Variants in DDX42 observed in about 807,000 individuals in gnomAD.
The protein encoded by DDX42 is ATP-dependent RNA helicase DDX42.
Under a neutral mutation model 101.5 loss-of-function variants are expected in DDX42, and 22 were observed. The observed-to-expected ratio is 0.22, with a 90% CI of 0.15 to 0.31. DDX42 has a LOEUF of 0.31. Ranked by LOEUF, DDX42 falls within the 10% of genes least tolerant of loss-of-function variation. The pLI, the probability that DDX42 is intolerant of heterozygous loss-of-function variation, is 1.00. For missense variants in DDX42, 849 were observed against 1,199.9 expected, an observed-to-expected ratio of 0.71 and a Z score of 4.32; for synonymous variants, 402 against 401.2, an observed-to-expected ratio of 1.00 and a Z score of -0.02.
chr17:63,776,191 C>T (rs2039418881), intron 1 of DDX42: 1 of 152,228 alleles, frequency 6.6e-6, no homozygotes, highest in African/African-American at 2.4e-5. Context: ...TATTTAAAGT[C>T]ATTTAGATCA....
intron 6 of DDX42, among the ~76,000 whole-genome samples, chr17:63,803,675 C>G (rs1257057048): frequency 6.7e-6 from 1 of 150,130 alleles, no homozygotes; most frequent in Non-Finnish European, 1.5e-5. Flanking sequence ...GAGATGGAGT[C>G]CTGCTCTGTC....
chr17:63,818,060 C>T lies in DDX42; in HGVS notation c.2479C>T (p.Arg827Trp), dbSNP rs375864832. 9.3e-6 allele frequency: 15 copies of T among 1,613,804 alleles called. No individual in the cohort carries two copies. Among genetic ancestry groups the T allele is most frequent in the African/African-American group, 6.7e-5 (5 of 74,874 alleles). The change falls in exon 18 of 18, where the codon CGG becomes TGG. Residue 827 changes from arginine to tryptophan, a missense_variant. Arg to Trp is a moderately radical substitution (Grantham distance 101). Transcript: ENST00000389924. ...SRHSHGETGN[R>W]HSDSPRHGDG... ...TCACAGTCACGGAGAGACTGGCAATCGGCATAGCGATAGTCCACGTCACGG... is the reference window on the plus strand; with the variant it reads ...TCACAGTCACGGAGAGACTGGCAATTGGCATAGCGATAGTCCACGTCACGG...
In DDX42 at chr17:63,808,837, G is replaced by A; in HGVS notation, c.1041G>A (p.Lys347=). The change falls in exon 10 of 18, where the codon AAG becomes AAA. Residue 347 remains lysine, a synonymous_variant. Coordinates refer to ENST00000389924, the MANE Select transcript of DDX42 (RefSeq NM_203499.3). ...ELCQQIHAEC[K]RFGKAYNLRS... is the part of the protein sequence containing the mutation. ...CTTTGTAGATCCATGCAGAATGTAA[G>A]CGGTTTGGAAAAGCATATAATCTTC... 1 of 1,613,970 alleles carries A rather than the reference G, an allele frequency of 6.2e-7. No homozygotes were observed. The highest frequency in any genetic ancestry group is 8.5e-7 in the Non-Finnish European group (1 of 1,179,918).
At chr17:63,780,268 C>T (rs1411727684) in intron 1 of DDX42, among the ~76,000 whole-genome samples, 2 of 151,074 alleles carry the variant, frequency 1.3e-5, no homozygotes, top group East Asian at 3.9e-4. Context: ...TGCACTCCAG[C>T]CTGGGCAACA....
intron 14 of DDX42, 47 bp from the exon 15 acceptor site, chr17:63,813,181 C>G: frequency 6.6e-7 from 1 of 1,523,478 alleles, no homozygotes; most frequent in Non-Finnish European, 8.9e-7. Flanking sequence ...CTTTGATCTT[C>G]TGACTACAGA....
chr17:63,796,555 A>G (rs11869932), intron 3 of DDX42, among the ~76,000 whole-genome samples: 32,600 of 152,208 alleles, frequency 0.21, 3,844 homozygotes, highest in Middle Eastern at 0.33. Context: ...ACCTCAGGTG[A>G]TCTGCCCGCC....
chr17:63,807,648 A>T, intron 8 of DDX42, 76 bp from the exon 9 acceptor site: 2 of 1,372,984 alleles, frequency 1.5e-6, no homozygotes, highest in Non-Finnish European at 2.0e-6. Context: ...GTAGTCATTT[A>T]TCATTCCCCA....
At chr17:63,810,609 C>T in intron 12 of DDX42, 49 bp downstream of exon 12, 6 of 1,558,014 alleles carry the variant, frequency 3.9e-6, no homozygotes, top group Non-Finnish European at 5.3e-6. Flanking sequence ...AAAAAGGGCA[C>T]TTATTTATTT....
At chr17:63,813,844 C>G (rs1045546488) in intron 15 of DDX42, among the ~76,000 whole-genome samples, 1 of 151,686 alleles carries the variant, frequency 6.6e-6, no homozygotes, top group Admixed American at 6.6e-5. Flanking sequence ...AGTGCCCCCC[C>G]ACCTTTTTTT....
At chr17:63,800,647 T>C (rs200387660) in intron 6 of DDX42, 30 bp downstream of exon 6, 73 of 1,607,612 alleles carry the variant, frequency 4.5e-5, no homozygotes, top group Non-Finnish European at 6.1e-5. Flanking sequence ...ATTTTACTCT[T>C]GTTTCAAGCT....
chr17:63,779,556 G>C (rs1409999985), intron 1 of DDX42, among the ~76,000 whole-genome samples: 1 of 151,884 alleles, frequency 6.6e-6, no homozygotes, highest in Admixed American at 6.6e-5. Flanking sequence ...GAGCCACTGT[G>C]CCCACCTCAT....
chr17:63,796,765 C>T (rs1045030192), intron 3 of DDX42, among the ~76,000 whole-genome samples: 6 of 152,196 alleles, frequency 3.9e-5, no homozygotes, highest in Non-Finnish European at 8.8e-5. Context: ...TGTTACATTG[C>T]TTATGTCATC....
chr17:63,812,072 G>A lies in DDX42; in HGVS notation c.1539G>A (p.Glu513=), dbSNP rs1451099975. ...TTACTAAAAAAGCCAATGCTGAAGA[G>A]CTAGCGAATAACCTTAAACAGGAGG... is the stretch of plus-strand genomic sequence containing the variant. ...LFVTKKANAE[E]LANNLKQEGH... is the part of the protein sequence containing the mutation. Residue 513 remains glutamate, a synonymous_variant, in exon 14 of 18, where the codon GAG becomes GAA. Coordinates refer to ENST00000389924, the MANE Select transcript of DDX42 (RefSeq NM_203499.3). 1.9e-6 allele frequency: 3 copies of A among 1,614,230 alleles called. No homozygotes were observed. The African/African-American group carries it at 4.0e-5, about 22-fold the overall frequency.
Position 63,809,622 on chromosome 17 carries a change from G to A in DDX42, c.1215G>A (p.Val405=). Residue 405 remains valine (V), a synonymous_variant, in exon 11 of 18, where the codon GTG becomes GTA. Coordinates refer to ENST00000389924, the MANE Select transcript of DDX42 (RefSeq NM_203499.3). ...ATNLQRVSYL[V]FDEADRMFDM... The stretch of plus-strand genomic sequence containing the variant: ...ATCTTCAAAGAGTCTCTTACCTTGT[G>A]TTTGATGAAGCAGATCGAATGTTTG... 6.2e-7 allele frequency: 1 copy of A among 1,614,132 alleles called. No individual in the cohort carries two copies. Among genetic ancestry groups the A allele is most frequent in the East Asian group, 2.2e-5 (1 of 44,862 alleles).
In DDX42 at chr17:63,813,385, T is replaced by C; in HGVS notation, c.1833T>C (p.Gly611=). Residue 611 remains glycine (G), a synonymous_variant, in exon 15 of 18, where the codon GGT becomes GGC. Transcript: ENST00000389924. ...CTCCCAAGGACAGCAATTTTGCTGG[T>C]GACCTGGTCCGGAACTTGGAAGGAG... ...LLTPKDSNFA[G]DLVRNLEGAN... 1.2e-6 allele frequency: 2 copies of C among 1,614,148 alleles called. No individual in the cohort carries two copies. The highest frequency in any genetic ancestry group is 1.7e-6 in the Non-Finnish European group (2 of 1,180,024).
chr17:63,796,775 C>T (rs1490535800), intron 3 of DDX42, among the ~76,000 whole-genome samples: 1 of 152,186 alleles, frequency 6.6e-6, no homozygotes, highest in East Asian at 1.9e-4. Flanking sequence ...CTTATGTCAT[C>T]TTCAGTTTAT....
intron 12 of DDX42, among the ~76,000 whole-genome samples, chr17:63,810,855 G>T (rs560941566): frequency 9.8e-5 from 15 of 152,312 alleles, no homozygotes; most frequent in African/African-American, 3.4e-4. Context: ...TTGAAATCAA[G>T]AGTCTTTTTC....
intron 2 of DDX42, among the ~76,000 whole-genome samples, chr17:63,788,523 G>A (rs1249808949): frequency 6.6e-6 from 1 of 150,828 alleles, no homozygotes; most frequent in Non-Finnish European, 1.5e-5. Flanking sequence ...AGCCACAATG[G>A]TCTCAATCTC....
At chr17:63,781,964 T>G (rs2039493446) in intron 1 of DDX42, among the ~76,000 whole-genome samples, 1 of 150,104 alleles carries the variant, frequency 6.7e-6, no homozygotes, top group South Asian at 2.1e-4. Context: ...GAGCCGAGAT[T>G]GTGCCACTGC....
Sources: gnomAD v4.1 joint callset for allele counts (sites outside exome capture counted in the v4.1 genomes callset) on GRCh38, gnomAD v4.1.1 for gene constraint, MANE v1.5 for transcripts, NCBI Gene and HGNC (gene_info 2026-07-23, HGNC 2026-07-21) for gene names.